The following CHFR variants were observed in gnomAD, a reference collection of about 807,000 sequenced individuals.
The protein encoded by CHFR is checkpoint with forkhead and ring finger domains.
In CHFR, 57 loss-of-function variants were observed where a neutral mutation model predicts 87.6. The observed-to-expected ratio is 0.65, with a 90% CI of 0.53 to 0.81. The LOEUF (loss-of-function observed/expected upper bound fraction) is 0.81, where lower values mean the gene tolerates loss of function less well. Among genes scored for constraint, CHFR ranks in the 30% least tolerant of loss-of-function variants. The pLI, the probability that CHFR is intolerant of heterozygous loss-of-function variation, is 0.00. For missense variants in CHFR, 797 were observed against 865.8 expected (o/e 0.92, Z 1.00); for synonymous variants, 381 against 359.2 (o/e 1.06, Z -0.69).
In CHFR at chr12:132,836,885, T is replaced by C. The variant is rs1344608727; in HGVS notation, c.*4669A>G. The C allele has an allele frequency of 2.0e-5, 8 of 397,448 alleles. No individual in the cohort carries two copies. Among genetic ancestry groups the C allele is most frequent in the Non-Finnish European group, 3.5e-5 (7 of 199,858 alleles). The allele number at this position is 397,448 out of a possible 1,614,324, so 24.6% of individuals were successfully genotyped here. A position where few individuals can be genotyped will look rare whatever the true frequency, so the allele number is the denominator to read the frequency against. ...CCTGGGGCCAAACATTTCAGACAAA[T>C]AAACAACAGTGGGCAGACAGGCAAG... On this transcript the variant is annotated 3_prime_UTR_variant, in exon 18 of 18. Transcript: ENST00000450056.
intron 2 of CHFR, among the ~76,000 whole-genome samples, chr12:132,886,080 A>G (rs1466387466): frequency 6.6e-6 from 1 of 152,192 alleles, no homozygotes; most frequent in Non-Finnish European, 1.5e-5. Flanking sequence ...CGGAGGCCGA[A>G]GCAGGTGAAT....
chr12:132,844,755 C>T (rs56915730), intron 15 of CHFR, among the ~76,000 whole-genome samples: 5,615 of 128,798 alleles, frequency 0.044, 193 homozygotes, highest in African/African-American at 0.1. Flanking sequence ...CTCAGCCTCC[C>T]GAGTAGCTGG....
chr12:132,845,464 A>T (rs12812091), intron 15 of CHFR, among the ~76,000 whole-genome samples: 40,133 of 144,898 alleles, frequency 0.28, 5,789 homozygotes, highest in Middle Eastern at 0.43. Context: ...TCTCAAAAAA[A>T]AAAATAAATA....
intron 2 of CHFR, among the ~76,000 whole-genome samples, chr12:132,878,142 C>T (rs1226672989): frequency 6.6e-6 from 1 of 152,054 alleles, no homozygotes; most frequent in African/African-American, 2.4e-5. Flanking sequence ...TCAAAGACAC[C>T]CATCAATACC....
rs1480417143 is a variant in CHFR at position 132,836,183 on chromosome 12, T to A, written c.*5371A>T. On this transcript the variant is annotated 3_prime_UTR_variant, in exon 18 of 18. Coordinates refer to ENST00000450056, the MANE Select transcript of CHFR (RefSeq NM_001161346.2). ...GCGCACGGCACTCACAGTGACAGGC[T>A]CCCAGCACGGCGCACGGCACTCACA... 1 of 101,196 alleles carries A rather than the reference T, an allele frequency of 9.9e-6. No homozygotes were observed. Among genetic ancestry groups the A allele is most frequent in the Non-Finnish European group, 1.7e-5 (1 of 57,628 alleles). The allele number at this position is 101,196 out of a possible 1,614,324, so 6.3% of individuals were successfully genotyped here.
At chr12:132,848,496 A>G in intron 13 of CHFR, 145 bp downstream of exon 13, 1 of 712,038 alleles carries the variant, frequency 1.4e-6, no homozygotes, top group Non-Finnish European at 2.4e-6. Flanking sequence ...TCTGCAGTCC[A>G]GCCAGGAATA....
chr12:132,840,390 G>A lies in CHFR; in HGVS notation c.*1164C>T, dbSNP rs1950686881. The A allele has an allele frequency of 6.6e-6, 1 of 152,648 alleles. No homozygotes were observed. 9.5% of individuals were successfully genotyped at this position (152,648 alleles called of 1,614,324 possible). On this transcript the variant is annotated 3_prime_UTR_variant, in exon 18 of 18. Transcript: ENST00000450056. The stretch of plus-strand genomic sequence containing the variant: ...GGCTCATTTATTAGAATATGCAAAA[G>A]AGAGGACTTTCCTCCACAAATACAG...
Position 132,856,628 on chromosome 12 carries a change from T to C in CHFR, c.1069A>G (p.Lys357Glu). ...TGCACATCTTCTTCACTGCGACTCT[T>C]GTCTAGAATTGAAAGGACACAGCGC... The part of the protein sequence containing the change: ...VEAYLIQHPD[K>E]SRSEEDVQSM... Residue 357 changes from lysine to glutamate, a missense_variant and splice_region_variant, in exon 10 of 18, where the codon AAG becomes GAG. This residue lies in a region of CHFR where 597 missense variants were observed against 601.2 expected (regional missense o/e 0.99). Coordinates refer to ENST00000450056, the MANE Select transcript of CHFR (RefSeq NM_001161346.2). 1 of 1,613,884 alleles carries C rather than the reference T, an allele frequency of 6.2e-7. No individual in the cohort carries two copies. Among genetic ancestry groups the C allele is most frequent in the Non-Finnish European group, 8.5e-7 (1 of 1,179,940 alleles).
In CHFR at chr12:132,837,564, T is replaced by G. The variant is rs1166517899; in HGVS notation, c.*3990A>C. On this transcript the variant is annotated 3_prime_UTR_variant, in exon 18 of 18. Transcript: ENST00000450056. The stretch of plus-strand genomic sequence containing the variant: ...CTAGAAAGTAGTGCGTCCTGAGCAC[T>G]CATCACCTTTGTTTTCAGTGTAACT... 3 of 152,382 alleles carry G rather than the reference T, an allele frequency of 2.0e-5. No individual in the cohort carries two copies. Among genetic ancestry groups the G allele is most frequent in the Non-Finnish European group, 4.4e-5 (3 of 68,222 alleles). The allele number at this position is 152,382 out of a possible 1,614,324, so 9.4% of individuals were successfully genotyped here.
chr12:132,851,050 G>C (rs1376469492), intron 12 of CHFR, among the ~76,000 whole-genome samples: 3 of 150,318 alleles, frequency 2.0e-5, no homozygotes, highest in Admixed American at 1.3e-4. Flanking sequence ...GAGTACAGTG[G>C]CACGATCTCA....
intron 2 of CHFR, among the ~76,000 whole-genome samples, chr12:132,883,317 T>C (rs374771830): frequency 6.6e-6 from 1 of 151,026 alleles, no homozygotes; most frequent in South Asian, 2.1e-4. Flanking sequence ...TCCCAGCTAC[T>C]CTGGATGCTG....
intron 2 of CHFR, among the ~76,000 whole-genome samples, chr12:132,884,280 G>A (rs1006787696): frequency 3.3e-5 from 5 of 152,054 alleles, no homozygotes; most frequent in African/African-American, 9.6e-5. Flanking sequence ...GTAGCTGAGC[G>A]TGGTAGCACA....
chr12:132,841,400 G>T lies in CHFR; in HGVS notation c.*154C>A. On this transcript the variant is annotated 3_prime_UTR_variant, in exon 18 of 18. Transcript: ENST00000450056. Reference sequence around the variant, plus strand: ...GGGAGGGTCTCACTCAGAGGGTAAAGCTCCACAGAAGAGTCACCCCAGAGC... The same window carrying T: ...GGGAGGGTCTCACTCAGAGGGTAAATCTCCACAGAAGAGTCACCCCAGAGC... 4.7e-6 allele frequency: 3 copies of T among 638,532 alleles called. No individual in the cohort carries two copies. The highest frequency in any genetic ancestry group is 8.3e-6 in the Non-Finnish European group (3 of 361,558). The allele number at this position is 638,532 out of a possible 1,614,324, so 39.6% of individuals were successfully genotyped here. A position where few individuals can be genotyped will look rare whatever the true frequency, so the allele number is the denominator to read the frequency against.
At chr12:132,879,984 T>C (rs1195292669) in intron 2 of CHFR, among the ~76,000 whole-genome samples, 1 of 152,232 alleles carries the variant, frequency 6.6e-6, no homozygotes, top group African/African-American at 2.4e-5. Flanking sequence ...ATTGTTAAAA[T>C]GTCAGCTGTC....
chr12:132,838,004 G>C lies in CHFR; in HGVS notation c.*3550C>G, dbSNP rs1021674632. 2 of 152,452 alleles carry C rather than the reference G, an allele frequency of 1.3e-5. No homozygotes were observed. Among genetic ancestry groups the C allele is most frequent in the African/African-American group, 4.8e-5 (2 of 41,598 alleles). The allele number at this position is 152,452 out of a possible 1,614,324, so 9.4% of individuals were successfully genotyped here. On this transcript the variant is annotated 3_prime_UTR_variant, in exon 18 of 18. Coordinates refer to ENST00000450056, the MANE Select transcript of CHFR (RefSeq NM_001161346.2). ...ACCTAGCGGCCCTGGCAGTGACTCT[G>C]GGGCCTCTTCAGGGAGCCGGCTGCA...
intron 9 of CHFR, among the ~76,000 whole-genome samples, chr12:132,857,062 G>A (rs1951091384): frequency 1.6e-5 from 2 of 127,614 alleles, no homozygotes; most frequent in East Asian, 2.3e-4. Context: ...GGGTGCTGGT[G>A]GAGGGACCAC....
chr12:132,873,641 CGGGGCTGG>C (rs1951547231), intron 3 of CHFR, among the ~76,000 whole-genome samples: 2 of 138,226 alleles, frequency 1.4e-5, no homozygotes, highest in Non-Finnish European at 3.1e-5. Context: ...GGGCTGGCTA[CGGGGCTGG>C]AGTGCACACG....
chr12:132,855,437 C>T (rs1004165787), intron 10 of CHFR, among the ~76,000 whole-genome samples: 2 of 151,646 alleles, frequency 1.3e-5, no homozygotes, highest in Admixed American at 6.6e-5. Flanking sequence ...GAGGTCGAGG[C>T]CGGCGGATCA....
chr12:132,850,655 G>C (rs1227924544), intron 12 of CHFR, among the ~76,000 whole-genome samples: 2 of 152,196 alleles, frequency 1.3e-5, no homozygotes, highest in African/African-American at 4.8e-5. Context: ...GCAGTAACCT[G>C]TTTGGTTTCC....
Sources: allele counts gnomAD v4.1 joint callset (sites outside exome capture counted in the v4.1 genomes callset), GRCh38; gene constraint gnomAD v4.1.1; regional missense constraint gnomAD v4.1.1; transcripts MANE v1.5; gene names NCBI Gene and HGNC (gene_info 2026-07-23, HGNC 2026-07-21).